Variants in PAPPA observed in about 807,000 individuals in gnomAD.
The protein encoded by PAPPA is pappalysin-1.
A neutral mutation model predicts 164.0 loss-of-function variants in PAPPA; 60 were observed. That is an observed-to-expected ratio of 0.37 (90% CI 0.30 to 0.45). The LOEUF (loss-of-function observed/expected upper bound fraction) is 0.45. PAPPA is among the 20% of genes least tolerant of loss of function. The pLI is 1.00. For missense variants in PAPPA, 1,782 were observed against 2,087.3 expected, an observed-to-expected ratio of 0.85 and a Z score of 2.85; for synonymous variants, 875 against 814.1, an observed-to-expected ratio of 1.07 and a Z score of -1.27.
At chr9:116,382,589 T>A in intron 21 of PAPPA, 96 bp downstream of exon 21, 2 of 797,554 alleles carry the variant, frequency 2.5e-6, no homozygotes, top group Non-Finnish European at 4.5e-6. Context: ...ACCCTTGTCC[T>A]AACTCTGCCA....
intron 15 of PAPPA, among the ~76,000 whole-genome samples, chr9:116,349,502 C>G (rs1217504819): frequency 1.3e-5 from 2 of 152,116 alleles, no homozygotes; most frequent in Non-Finnish European, 2.9e-5. Flanking sequence ...CTTAGAATAC[C>G]AGATTGAAGG....
chr9:116,315,070 A>G (rs1845771327), intron 10 of PAPPA, among the ~76,000 whole-genome samples: 1 of 152,202 alleles, frequency 6.6e-6, no homozygotes, highest in Non-Finnish European at 1.5e-5. Context: ...TGGGAACAAT[A>G]GCTGCTGGGT....
intron 2 of PAPPA, among the ~76,000 whole-genome samples, chr9:116,194,226 T>C (rs1399699139): frequency 2.6e-5 from 4 of 152,220 alleles, no homozygotes; most frequent in African/African-American, 4.8e-5. Flanking sequence ...GCAAGCCTTT[T>C]AATCTCTCTG....
intron 1 of PAPPA, among the ~76,000 whole-genome samples, chr9:116,156,030 GGT>G (rs1843597497): frequency 6.6e-6 from 1 of 151,650 alleles, no homozygotes; most frequent in South Asian, 2.1e-4. Context: ...TAATGACGAT[GGT>G]GATAATTTAG....
chr9:116,178,791 G>A (rs1281175885), intron 1 of PAPPA, among the ~76,000 whole-genome samples: 1 of 152,168 alleles, frequency 6.6e-6, no homozygotes, highest in Non-Finnish European at 1.5e-5. Flanking sequence ...ACTGGGAAAG[G>A]AGCCCTGACT....
In PAPPA at chr9:116,215,072, G is replaced by A. The variant is rs1844354030; in HGVS notation, c.1918+3140G>A. On this transcript the variant is annotated intron_variant, in intron 4 of 21. Coordinates refer to ENST00000328252, the MANE Select transcript of PAPPA (RefSeq NM_002581.5). ...ATGCATTGCTGAAGTGAACTGCAAG[G>A]TATTCATGTGATAGGATATTATAGG... 3.3e-5 allele frequency among the ~76,000 whole-genome samples: 5 copies of A among 152,278 alleles called. No individual in the cohort carries two copies. In the South Asian group the frequency reaches 1.0e-3, roughly 32 times the overall value.
intron 17 of PAPPA, among the ~76,000 whole-genome samples, chr9:116,356,614 T>A (rs1470825059): frequency 6.6e-6 from 1 of 152,248 alleles, no homozygotes; most frequent in Non-Finnish European, 1.5e-5. Flanking sequence ...AAATAGGGAA[T>A]CTTTTCCCCA....
At chr9:116,286,142 C>T (rs10759834) in intron 9 of PAPPA, 120,118 of 152,150 alleles carry the variant, frequency 0.79, 48,571 homozygotes, top group Non-Finnish European at 0.87. Flanking sequence ...AGGCTTCTTT[C>T]ACTAAGTAGA....
At chr9:116,264,890 A>C (rs1845048900) in intron 7 of PAPPA, among the ~76,000 whole-genome samples, 1 of 152,070 alleles carries the variant, frequency 6.6e-6, no homozygotes, top group African/African-American at 2.4e-5. Flanking sequence ...TTTGCCTTGG[A>C]GGATAATTGG....
chr9:116,289,223 T>TATATATGCC (rs1587988939), intron 9 of PAPPA, among the ~76,000 whole-genome samples: 1 of 46,634 alleles, frequency 2.1e-5, no homozygotes, highest in Non-Finnish European at 4.6e-5. Context: ...ATATGTAGCA[T>TATATATGCC]ATATATATAG....
chr9:116,279,340 C>G (rs1845240109), intron 9 of PAPPA, among the ~76,000 whole-genome samples: 1 of 152,126 alleles, frequency 6.6e-6, no homozygotes, highest in South Asian at 2.1e-4. Flanking sequence ...AAGTACTCAA[C>G]AGGGAGGTCT....
intron 9 of PAPPA, chr9:116,288,680 G>A (rs1218964651): frequency 1.3e-5 from 2 of 152,068 alleles, no homozygotes; most frequent in African/African-American, 2.4e-5. Context: ...ACTTACCCAA[G>A]AGCAATCTTG....
chr9:116,187,382 C>G lies in PAPPA; in HGVS notation c.644C>G (p.Ala215Gly). The change falls in exon 2 of 22, where the codon GCC (alanine) becomes GGC (glycine). Residue 215 changes from alanine (A) to glycine (G), a missense_variant. By Grantham distance (60) the Ala-to-Gly change is moderately conservative (BLOSUM62 0). Around this residue, in one of 2 missense-constraint regions of PAPPA, gnomAD observed 458 missense variants for 430.3 expected, o/e 1.06. Coordinates refer to ENST00000328252, the MANE Select transcript of PAPPA (RefSeq NM_002581.5). This position sits in a 1 kb window ranked among gnomAD's most constrained non-coding sequence, Gnocchi z 4.2. ...GQFMKLYVNG[A>G]QVATSGEQVG... is the part of the protein sequence containing the mutation. ...TTCATGAAGCTCTATGTGAATGGTG[C>G]CCAGGTGGCCACCTCTGGGGAACAA... The G allele has an allele frequency of 6.2e-7, 1 of 1,614,026 alleles. No homozygotes were observed.
At chr9:116,310,192 C>T (rs1845698514) in intron 10 of PAPPA, among the ~76,000 whole-genome samples, 1 of 152,200 alleles carries the variant, frequency 6.6e-6, no homozygotes, top group South Asian at 2.1e-4. Flanking sequence ...TCTGCCCCTT[C>T]CTTGCCTGCT....
At chr9:116,251,555 G>A (rs1204591517) in intron 7 of PAPPA, among the ~76,000 whole-genome samples, 1 of 152,176 alleles carries the variant, frequency 6.6e-6, no homozygotes, top group Non-Finnish European at 1.5e-5. Flanking sequence ...AGCTGTCACT[G>A]GGGCCCTCCG....
intron 7 of PAPPA, among the ~76,000 whole-genome samples, chr9:116,255,184 A>G (rs1319105454): frequency 6.6e-6 from 1 of 151,984 alleles, no homozygotes; most frequent in Non-Finnish European, 1.5e-5. Context: ...GGATATTACT[A>G]TATGGCTCAC....
At chr9:116,267,861 G>A (rs1208575644) in intron 8 of PAPPA, among the ~76,000 whole-genome samples, 3 of 115,836 alleles carry the variant, frequency 2.6e-5, no homozygotes, top group East Asian at 5.4e-4. Flanking sequence ...CGGCCTGGGC[G>A]ACAGAGCGAG....
chr9:116,245,184 G>A (rs955989281), intron 7 of PAPPA, among the ~76,000 whole-genome samples: 3 of 151,914 alleles, frequency 2.0e-5, no homozygotes, highest in Non-Finnish European at 4.4e-5. Flanking sequence ...GGGGGTGGAT[G>A]ATGGGCAATT....
chr9:116,208,227 A>G (rs550684256), intron 3 of PAPPA, among the ~76,000 whole-genome samples: 2 of 152,368 alleles, frequency 1.3e-5, no homozygotes, highest in East Asian at 3.9e-4. Flanking sequence ...GTAAGCAAAC[A>G]TTGCAGTTCT....
Sources: allele counts gnomAD v4.1 joint callset (sites outside exome capture counted in the v4.1 genomes callset), GRCh38; gene constraint gnomAD v4.1.1; regional missense constraint gnomAD v4.1.1; non-coding constraint Gnocchi (gnomAD v3.1); transcripts MANE v1.5; gene names NCBI Gene and HGNC (gene_info 2026-07-23, HGNC 2026-07-21).